The following BRINP3 variants were observed in gnomAD, a reference collection of about 807,000 sequenced individuals.
BRINP3 encodes the protein BMP/retinoic acid-inducible neural-specific protein 3.
In BRINP3, 19 loss-of-function variants were observed where a neutral mutation model predicts 71.0. The observed-to-expected ratio is 0.27, with a 90% CI of 0.19 to 0.39. The LOEUF is 0.39. BRINP3 is among the 10% of genes least tolerant of loss of function. The pLI is 1.00. For missense variants in BRINP3, 959 were observed against 940.8 expected, an observed-to-expected ratio of 1.02 and a Z score of -0.25; for synonymous variants, 380 against 337.7, an observed-to-expected ratio of 1.13 and a Z score of -1.37.
chr1:190,257,394 T>G (rs1660763309), intron 4 of BRINP3, among the ~76,000 whole-genome samples: 2 of 152,156 alleles, frequency 1.3e-5, no homozygotes, highest in Non-Finnish European at 2.9e-5. Flanking sequence ...TGTCTAATCT[T>G]TTTTCAAATT....
At chr1:190,233,783 A>T (rs1402477302) in intron 5 of BRINP3, among the ~76,000 whole-genome samples, 1 of 152,160 alleles carries the variant, frequency 6.6e-6, no homozygotes, top group East Asian at 1.9e-4. Context: ...TTGTATTTTT[A>T]AAAGTTCTTG....
At position 190,374,027 on chromosome 1, in the gene BRINP3, C is replaced by G. The variant is rs543878423; in HGVS notation, c.236+80628G>C. ...AAGTGGGTACACTTAGGGGCATGGTCTTAAGCAAGTCACTTAACACTTCTG... is the reference window on the plus strand; with the variant it reads ...AAGTGGGTACACTTAGGGGCATGGTGTTAAGCAAGTCACTTAACACTTCTG... On this transcript the variant is annotated intron_variant, in intron 2 of 7. Coordinates refer to ENST00000367462, the MANE Select transcript of BRINP3 (RefSeq NM_199051.3). 2.6e-5 allele frequency among the ~76,000 whole-genome samples: 4 copies of G among 151,642 alleles called. No individual in the cohort carries two copies. The South Asian group carries it at 8.4e-4, about 32-fold the overall frequency.
chr1:190,173,832 A>C (rs1652247152), intron 6 of BRINP3, among the ~76,000 whole-genome samples: 1 of 152,100 alleles, frequency 6.6e-6, no homozygotes. Flanking sequence ...ATTGTTTCAA[A>C]TTTTGCAAAC....
intron 3 of BRINP3, 31 bp downstream of exon 3, chr1:190,281,529 C>T (rs773348041): frequency 1.9e-6 from 3 of 1,598,724 alleles, no homozygotes; most frequent in East Asian, 4.5e-5. Context: ...CACAAGCACA[C>T]ACAGGCACAA....
At chr1:190,222,527 T>C (rs1181129130) in intron 6 of BRINP3, among the ~76,000 whole-genome samples, 1 of 151,218 alleles carries the variant, frequency 6.6e-6, no homozygotes, top group Admixed American at 6.6e-5. Flanking sequence ...CCCAAATTAA[T>C]AGAAGAAATA....
chr1:190,188,309 A>T (rs1345830930), intron 6 of BRINP3, among the ~76,000 whole-genome samples: 1 of 152,186 alleles, frequency 6.6e-6, no homozygotes, highest in African/African-American at 2.4e-5. Flanking sequence ...GTTGTCTGCA[A>T]ATAGGGACAA....
At chr1:190,395,639 C>T (rs1037337010) in intron 2 of BRINP3, among the ~76,000 whole-genome samples, 1 of 151,606 alleles carries the variant, frequency 6.6e-6, no homozygotes, top group Non-Finnish European at 1.5e-5. Flanking sequence ...TTAATTATCT[C>T]TCTAGAGCTA....
intron 6 of BRINP3, among the ~76,000 whole-genome samples, chr1:190,176,887 A>C (rs1347163915): frequency 6.6e-6 from 1 of 152,166 alleles, no homozygotes; most frequent in East Asian, 1.9e-4. Context: ...TCATGTACCA[A>C]AGAGAGCTCA....
At chr1:190,244,258 C>CA (rs1276255812) in intron 4 of BRINP3, among the ~76,000 whole-genome samples, 8 of 151,428 alleles carry the variant, frequency 5.3e-5, no homozygotes, top group Non-Finnish European at 8.8e-5. Context: ...ACTAAAGTTG[C>CA]AAAAAAAATA....
chr1:190,232,051 G>T (rs565812884), intron 5 of BRINP3, among the ~76,000 whole-genome samples: 3 of 151,938 alleles, frequency 2.0e-5, no homozygotes, highest in East Asian at 1.9e-4. Context: ...TGGGCCAAAC[G>T]CTCTGATTCT....
intron 2 of BRINP3, among the ~76,000 whole-genome samples, chr1:190,343,824 GAT>G (rs1667828679): frequency 6.6e-6 from 1 of 151,528 alleles, no homozygotes; most frequent in Non-Finnish European, 1.5e-5. Context: ...ATCATACTCA[GAT>G]ATCAAACAGC....
intron 2 of BRINP3, among the ~76,000 whole-genome samples, chr1:190,396,444 G>A (rs1368734801): frequency 6.6e-6 from 1 of 151,204 alleles, no homozygotes; most frequent in East Asian, 2.0e-4. Flanking sequence ...ACCAGCCAGA[G>A]TAGGTTTGAA....
intron 6 of BRINP3, among the ~76,000 whole-genome samples, chr1:190,212,417 G>A (rs534638752): frequency 2.2e-4 from 33 of 152,086 alleles, no homozygotes; most frequent in East Asian, 5.8e-4. Flanking sequence ...ATGCCTCAAA[G>A]GTCACTTAAA....
rs1571921728 is a variant in BRINP3 at position 190,179,030 on chromosome 1, G to A, written c.962-18140C>T. Among the ~76,000 whole-genome samples the A allele has an allele frequency of 2.0e-5, 3 of 152,244 alleles. No individual in the cohort carries two copies. The South Asian group carries it at 6.2e-4, about 32-fold the overall frequency. ...TCTCCTTTCTTTTATTACAATGTCA[G>A]CATAATATTTAAAACGTCTCAGCAA... On this transcript the variant is annotated intron_variant, in intron 6 of 7. Transcript: ENST00000367462.
chr1:190,284,724 A>C (rs976840385), intron 2 of BRINP3, among the ~76,000 whole-genome samples: 1 of 152,078 alleles, frequency 6.6e-6, no homozygotes, highest in Non-Finnish European at 1.5e-5. Flanking sequence ...ATGATAAAAC[A>C]CTTTGACACC....
At chr1:190,368,463 AG>A (rs1407675061) in intron 2 of BRINP3, among the ~76,000 whole-genome samples, 2 of 150,676 alleles carry the variant, frequency 1.3e-5, no homozygotes, top group Non-Finnish European at 3.0e-5. Context: ...AAATATTAAA[AG>A]CCCGTGCCCT....
Position 190,250,892 on chromosome 1 carries a change from G to C in BRINP3, c.618+13973C>G, listed in dbSNP as rs757619607. Among the ~76,000 whole-genome samples the C allele has an allele frequency of 5.3e-4, 80 of 151,804 alleles. 1 individual carries two copies. The highest frequency in any genetic ancestry group is 1.9e-3 in the African/African-American group (80 of 41,346). On this transcript the variant is annotated intron_variant, in intron 4 of 7. Transcript: ENST00000367462. ...TACATTTTCATAAGTTTTAATACAG[G>C]ATTCTTGTATTGTAGCGTGGTTTTA... is the stretch of plus-strand genomic sequence containing the variant.
At chr1:190,262,764 T>C (rs1398410782) in intron 4 of BRINP3, among the ~76,000 whole-genome samples, 1 of 152,200 alleles carries the variant, frequency 6.6e-6, no homozygotes, top group African/African-American at 2.4e-5. Context: ...GTGTCACTTC[T>C]TTGGGACTCG....
intron 7 of BRINP3, among the ~76,000 whole-genome samples, chr1:190,149,045 T>A (rs1376361629): frequency 6.6e-6 from 1 of 152,224 alleles, no homozygotes. Flanking sequence ...AACTTCAGAA[T>A]CCTCAATTGT....
Sources: allele counts gnomAD v4.1 joint callset (sites outside exome capture counted in the v4.1 genomes callset), GRCh38; gene constraint gnomAD v4.1.1; transcripts MANE v1.5; gene names NCBI Gene and HGNC (gene_info 2026-07-23, HGNC 2026-07-21).